The following VPS53 variants were observed in gnomAD, a reference collection of about 807,000 sequenced individuals.
VPS53 encodes the protein VPS53 subunit of GARP complex.
Under a neutral mutation model 107.0 loss-of-function variants are expected in VPS53, and 70 were observed. The observed-to-expected ratio is 0.65, with a 90% CI of 0.54 to 0.80. VPS53 has a LOEUF of 0.80. Ranked by LOEUF, VPS53 falls within the 30% of genes least tolerant of loss-of-function variation. VPS53 has a pLI of 0.00. For synonymous variants in VPS53, 409 were observed against 393.3 expected (o/e 1.04, Z -0.47); for missense variants, 917 against 1,049.4 (o/e 0.87, Z 1.74).
At chr17:583,733 G>A (rs1053271987) in intron 13 of VPS53, among the ~76,000 whole-genome samples, 1 of 150,820 alleles carries the variant, frequency 6.6e-6, no homozygotes, top group Non-Finnish European at 1.5e-5. Flanking sequence ...ATCTCCCTCA[G>A]AACCTAATGG....
chr17:678,959 C>A (rs1212071806), intron 4 of VPS53, among the ~76,000 whole-genome samples: 1 of 151,820 alleles, frequency 6.6e-6, no homozygotes, highest in Non-Finnish European at 1.5e-5. Context: ...TCATTTTTAA[C>A]ACTCAGGAGA....
chr17:631,501 G>A (rs373250622), intron 8 of VPS53, 49 bp downstream of exon 8: 639 of 1,583,658 alleles, frequency 4.0e-4, no homozygotes, highest in Non-Finnish European at 5.0e-4. Flanking sequence ...GCGTGAGCTC[G>A]GCAAGGATGG....
intron 11 of VPS53, among the ~76,000 whole-genome samples, chr17:620,503 C>A (rs1228250074): frequency 6.6e-6 from 1 of 152,170 alleles, no homozygotes; most frequent in Non-Finnish European, 1.5e-5. Flanking sequence ...CTCAGTTTCA[C>A]GGTCTTACAC....
intron 13 of VPS53, among the ~76,000 whole-genome samples, chr17:574,111 G>A (rs758169233): frequency 3.9e-5 from 6 of 152,192 alleles, no homozygotes; most frequent in Non-Finnish European, 8.8e-5. Flanking sequence ...TCTCTTGACA[G>A]ATAAGGAAAT....
Position 631,600 on chromosome 17 carries a change from G to T in VPS53, c.637C>A (p.Gln213Lys). The T allele has an allele frequency of 6.2e-7, 1 of 1,614,092 alleles. No individual in the cohort carries two copies. The highest frequency in any genetic ancestry group is 8.5e-7 in the Non-Finnish European group (1 of 1,179,984). The part of the protein sequence containing the change: ...RVKAAQTELG[Q>K]QILADFEEAF... ...TCTTCAAAATCTGCCAGGATTTGCTGTCCTAACTCAGTCTGTGCAGCCTTC... is the reference window on the plus strand; with the variant it reads ...TCTTCAAAATCTGCCAGGATTTGCTTTCCTAACTCAGTCTGTGCAGCCTTC... The change falls in exon 8 of 22, where the codon CAG (glutamine) becomes AAG (lysine). Residue 213 changes from glutamine to lysine, a missense_variant. Transcript: ENST00000437048.
intron 18 of VPS53, among the ~76,000 whole-genome samples, chr17:534,131 C>T (rs1028284813): frequency 4.6e-5 from 7 of 152,184 alleles, no homozygotes; most frequent in Non-Finnish European, 7.3e-5. Context: ...TGAGCCACCG[C>T]GCCCAGCCAC....
chr17:687,869 G>A (rs1972645670), intron 4 of VPS53, among the ~76,000 whole-genome samples: 1 of 152,188 alleles, frequency 6.6e-6, no homozygotes, highest in African/African-American at 2.4e-5. Context: ...AGGTCACACA[G>A]ATAACAGCAG....
Position 527,343 on chromosome 17 carries a change from G to A in VPS53, c.2085+5499C>T, listed in dbSNP as rs549025502. Among the ~76,000 whole-genome samples, 148 of 152,094 alleles carry A rather than the reference G, an allele frequency of 9.7e-4. 1 individual carries two copies. Among genetic ancestry groups the A allele is most frequent in the African/African-American group, 3.2e-3 (133 of 41,472 alleles). On this transcript the variant is annotated intron_variant, in intron 19 of 21. Transcript: ENST00000437048. ...CTTCATAAACTTGCTGTGAACATTC[G>A]TCTCTCCTGCTCTCTCTCACTGTAG...
At chr17:538,237 G>T (rs1910267927) in intron 17 of VPS53, 1 of 152,350 alleles carries the variant, frequency 6.6e-6, no homozygotes, top group Admixed American at 6.5e-5. Flanking sequence ...CTCCTAGCCT[G>T]CCCCGGGCTG....
rs549089298 is a variant in VPS53, at chr17:586,252, C to T, written c.1313+18G>A. 1.2e-5 allele frequency: 19 copies of T among 1,611,188 alleles called. No individual in the cohort carries two copies. The African/African-American group carries it at 2.0e-4, about 17-fold the overall frequency. On this transcript the variant is annotated intron_variant, in intron 13 of 21. Coordinates refer to ENST00000437048, the MANE Select transcript of VPS53 (RefSeq NM_001128159.3). ...GGCGAGAAATGCAGGCAGAAAACAG[C>T]GAATGTTCCTCACTCACTTGTCTTG...
chr17:696,087 A>AC (rs1972949964), intron 4 of VPS53, among the ~76,000 whole-genome samples: 1 of 152,256 alleles, frequency 6.6e-6, no homozygotes, highest in Non-Finnish European at 1.5e-5. Context: ...TAAAAAAAAT[A>AC]CAGGAGTCCA....
rs1362982670 is a variant in VPS53, at chr17:642,558, T to G, written c.608+10733A>C. Among the ~76,000 whole-genome samples the G allele has an allele frequency of 6.4e-3, 656 of 103,080 alleles. 19 individuals carry two copies. The highest frequency in any genetic ancestry group is 0.023 in the African/African-American group (604 of 26,694). 67.6% of individuals were successfully genotyped at this position (103,080 alleles called of 152,430 possible). On this transcript the variant is annotated intron_variant, in intron 7 of 21. Coordinates refer to ENST00000437048, the MANE Select transcript of VPS53 (RefSeq NM_001128159.3). ...CGAGGACAACACTCATACTTGGAAA[T>G]CAAGGACAACACTCATACTTGGCAA...
chr17:605,328 A>C (rs570171001), intron 11 of VPS53, among the ~76,000 whole-genome samples: 3 of 152,258 alleles, frequency 2.0e-5, no homozygotes, highest in African/African-American at 7.2e-5. Context: ...TCATCAGAAA[A>C]GGTCTCTGAG....
intron 12 of VPS53, among the ~76,000 whole-genome samples, chr17:590,803 C>T (rs1967605403): frequency 6.8e-6 from 1 of 146,856 alleles, no homozygotes; most frequent in Non-Finnish European, 1.5e-5. Flanking sequence ...AGGATTTTTG[C>T]ATCAATGTTC....
chr17:619,818 G>A (rs1597391174), intron 11 of VPS53, among the ~76,000 whole-genome samples: 1 of 137,278 alleles, frequency 7.3e-6, no homozygotes, highest in East Asian at 2.4e-4. Context: ...CTACAGGCGT[G>A]CACCACCACG....
At chr17:631,940 A>AAT (rs1467182471) in intron 7 of VPS53, among the ~76,000 whole-genome samples, 4 of 152,136 alleles carry the variant, frequency 2.6e-5, no homozygotes, top group Non-Finnish European at 5.9e-5. Context: ...AATGTTATAG[A>AAT]ATCACATCCA....
intron 11 of VPS53, among the ~76,000 whole-genome samples, chr17:613,617 TAGTG>T (rs1468243127): frequency 3.5e-5 from 5 of 143,560 alleles, no homozygotes; most frequent in Admixed American, 2.8e-4. Flanking sequence ...AATATTCACA[TAGTG>T]AGTTCACACA....
At chr17:566,834 C>T (rs1913565808) in intron 13 of VPS53, among the ~76,000 whole-genome samples, 1 of 151,984 alleles carries the variant, frequency 6.6e-6, no homozygotes, top group South Asian at 2.1e-4. Flanking sequence ...ACCTCTGCCT[C>T]CCGGGTTCAA....
At chr17:637,284 T>G (rs1216428414) in intron 7 of VPS53, among the ~76,000 whole-genome samples, 2 of 152,222 alleles carry the variant, frequency 1.3e-5, no homozygotes, top group African/African-American at 4.8e-5. Flanking sequence ...CATTTTTTAT[T>G]GCATCTATTT....
Sources: gnomAD v4.1 joint callset for allele counts (sites outside exome capture counted in the v4.1 genomes callset) on GRCh38, gnomAD v4.1.1 for gene constraint, MANE v1.5 for transcripts, NCBI Gene and HGNC (gene_info 2026-07-23, HGNC 2026-07-21) for gene names.